DOCK7: variants seen among roughly 807,000 people sequenced by gnomAD.
DOCK7 encodes the protein dedicator of cytokinesis 7, also known as dedicator of cytokinesis protein 7.
DOCK7 carries 138 observed loss-of-function variants against 271.0 expected under a neutral mutation model. That is an observed-to-expected ratio of 0.51 (90% CI 0.44 to 0.59). The LOEUF (loss-of-function observed/expected upper bound fraction) is 0.59. Ranked by LOEUF, DOCK7 falls within the 20% of genes least tolerant of loss-of-function variation. The pLI is 0.00. For missense variants in DOCK7, 2,066 were observed against 2,592.4 expected (o/e 0.80, Z 4.41); for synonymous variants, 823 against 876.1 (o/e 0.94, Z 1.07).
At chr1:62,631,184 CA>C (rs932481480) in intron 11 of DOCK7, 55 bp downstream of exon 11, 8,565 of 1,233,740 alleles carry the variant, frequency 6.9e-3, no homozygotes, top group South Asian at 0.014. Flanking sequence ...AACTCCATCT[CA>C]AAAAAAAAAG....
chr1:62,624,190 A>G (rs1328132053), intron 12 of DOCK7, among the ~76,000 whole-genome samples: 1 of 152,140 alleles, frequency 6.6e-6, no homozygotes, highest in Non-Finnish European at 1.5e-5. Flanking sequence ...ATTTTACATC[A>G]AAATCTAGTA....
In DOCK7 at chr1:62,602,319, T is replaced by C; in HGVS notation, c.1683-15695A>G. 2 of 1,610,860 alleles carry C rather than the reference T, an allele frequency of 1.2e-6. No individual in the cohort carries two copies. Among genetic ancestry groups the C allele is most frequent in the Non-Finnish European group, 1.7e-6 (2 of 1,177,714 alleles). ...GGACATTAATTCAACATCGAATAGATGGATCACAAAACTTCAATGAAACGT... is the reference window on the plus strand; with the variant it reads ...GGACATTAATTCAACATCGAATAGACGGATCACAAAACTTCAATGAAACGT... On this transcript the variant is annotated intron_variant, in intron 14 of 49. Coordinates refer to ENST00000635253, the MANE Select transcript of DOCK7 (RefSeq NM_001367561.1).
chr1:62,664,790 A>AG (rs1460424137), intron 1 of DOCK7, among the ~76,000 whole-genome samples: 12 of 152,098 alleles, frequency 7.9e-5, no homozygotes, highest in Admixed American at 5.9e-4. Flanking sequence ...TTTAAAAAAA[A>AG]AAAAAAAAAG....
At chr1:62,634,622 A>G (rs1655029255) in intron 9 of DOCK7, 151 bp downstream of exon 9, 3 of 702,996 alleles carry the variant, frequency 4.3e-6, no homozygotes, top group Non-Finnish European at 6.9e-6. Flanking sequence ...ATTAGGTAGC[A>G]CCTACTGTGT....
intron 37 of DOCK7, among the ~76,000 whole-genome samples, chr1:62,498,122 T>C (rs1458539865): frequency 6.6e-6 from 1 of 151,942 alleles, no homozygotes; most frequent in Non-Finnish European, 1.5e-5. Flanking sequence ...TACATGCGTG[T>C]AGTCCCAGCT....
rs77264444 is a variant in DOCK7, at chr1:62,466,428, T to G, written c.6212+7554A>C. ...ACGCCTGAACCTTGAAGGGAAAAGG[T>G]AAAAGCTTCTGGTTGAACAACAAAA... On this transcript the variant is annotated intron_variant, in intron 48 of 49. Transcript: ENST00000635253. Among the ~76,000 whole-genome samples, 694 of 152,280 alleles carry G rather than the reference T, an allele frequency of 4.6e-3. 6 individuals are homozygous for G. The highest frequency in any genetic ancestry group is 0.016 in the African/African-American group (671 of 41,550).
chr1:62,546,805 C>CA (rs1004809581), intron 22 of DOCK7, among the ~76,000 whole-genome samples: 7 of 151,854 alleles, frequency 4.6e-5, no homozygotes, highest in African/African-American at 1.7e-4. Context: ...AAAAGCAAAC[C>CA]AAAAGGCTTA....
At chr1:62,478,683 G>A (rs942091301) in intron 43 of DOCK7, 14 of 152,120 alleles carry the variant, frequency 9.2e-5, no homozygotes, top group Non-Finnish European at 1.6e-4. Context: ...AAAGTGCTGA[G>A]ATTATAGGCG....
intron 19 of DOCK7, among the ~76,000 whole-genome samples, chr1:62,560,827 T>A (rs1360414758): frequency 6.6e-6 from 1 of 152,194 alleles, no homozygotes; most frequent in East Asian, 1.9e-4. Flanking sequence ...AGTTAATATA[T>A]GTAACACTGT....
At chr1:62,680,716 T>C (rs2149772834) in intron 1 of DOCK7, among the ~76,000 whole-genome samples, 1 of 151,638 alleles carries the variant, frequency 6.6e-6, no homozygotes, top group East Asian at 1.9e-4. Context: ...CATCAAAAAG[T>C]GGGCAAAGGA....
At chr1:62,477,009 G>A in intron 44 of DOCK7, 1 of 152,142 alleles carries the variant, frequency 6.6e-6, no homozygotes. Context: ...CAAATCACCT[G>A]GGGATCTTGT....
At chr1:62,566,220 A>G (rs1646509902) in intron 18 of DOCK7, among the ~76,000 whole-genome samples, 1 of 152,194 alleles carries the variant, frequency 6.6e-6, no homozygotes, top group Non-Finnish European at 1.5e-5. Context: ...TGGAACCAAA[A>G]AAGAGCCCAC....
chr1:62,524,075 A>C (rs1644929117), intron 31 of DOCK7, among the ~76,000 whole-genome samples: 1 of 152,174 alleles, frequency 6.6e-6, no homozygotes, highest in Non-Finnish European at 1.5e-5. Context: ...AAAGAACTCT[A>C]GACACTTCAA....
At chr1:62,469,316 G>A (rs906946113) in intron 48 of DOCK7, among the ~76,000 whole-genome samples, 1 of 152,298 alleles carries the variant, frequency 6.6e-6, no homozygotes, top group African/African-American at 2.4e-5. Context: ...AACATAAAGT[G>A]AGGAAAGGAC....
rs192224051 is a variant in DOCK7, at chr1:62,575,418, T to C, written c.2112+1844A>G. Among the ~76,000 whole-genome samples the C allele has an allele frequency of 6.6e-5, 10 of 152,296 alleles. No homozygotes were observed. In the East Asian group the frequency reaches 1.9e-3, roughly 29 times the overall value. On this transcript the variant is annotated intron_variant, in intron 18 of 49. Transcript: ENST00000635253. ...ATGACGATCCACTTCTACTTAGTGA[T>C]AGTAAATATATTTTCTGTGCCTTAT... is the stretch of plus-strand genomic sequence containing the variant.
intron 14 of DOCK7, among the ~76,000 whole-genome samples, chr1:62,612,151 G>A (rs1206297291): frequency 6.6e-6 from 1 of 152,024 alleles, no homozygotes; most frequent in Non-Finnish European, 1.5e-5. Flanking sequence ...GCAAGATTCT[G>A]TCACACACAA....
intron 10 of DOCK7, among the ~76,000 whole-genome samples, chr1:62,632,000 T>C (rs543527306): frequency 3.0e-4 from 46 of 152,180 alleles, no homozygotes; most frequent in Non-Finnish European, 1.0e-4. Flanking sequence ...CTGGAAGACA[T>C]CTTGAGGCTG....
At chr1:62,599,900 ATATT>A (rs1649856983) in intron 14 of DOCK7, among the ~76,000 whole-genome samples, 1 of 152,012 alleles carries the variant, frequency 6.6e-6, no homozygotes, top group Admixed American at 6.6e-5. Flanking sequence ...TAGTTTAAAA[ATATT>A]AATAATACTC....
chr1:62,469,095 AAG>A (rs1192354286), intron 48 of DOCK7, among the ~76,000 whole-genome samples: 1 of 152,220 alleles, frequency 6.6e-6, no homozygotes, highest in Non-Finnish European at 1.5e-5. Context: ...TGGAACCAAA[AAG>A]AGCCCACATA....
Sources: allele counts gnomAD v4.1 joint callset (sites outside exome capture counted in the v4.1 genomes callset), GRCh38; gene constraint gnomAD v4.1.1; transcripts MANE v1.5; gene names NCBI Gene and HGNC (gene_info 2026-07-23, HGNC 2026-07-21).